XKR9: variants seen among roughly 807,000 people sequenced by gnomAD.
XKR9 encodes XK related 9.
Under a neutral mutation model 32.0 loss-of-function variants are expected in XKR9, and 32 were observed. That is an observed-to-expected ratio of 1.00 (90% CI 0.76 to 1.34). The LOEUF (loss-of-function observed/expected upper bound fraction) is 1.34, where lower values mean the gene tolerates loss of function less well. Ranked by LOEUF, XKR9 falls within the 40% of genes most tolerant of loss-of-function variation. XKR9 has a pLI of 0.00. For missense variants in XKR9, 546 were observed against 429.7 expected (o/e 1.27, Z -2.39); for synonymous variants, 168 against 143.4 (o/e 1.17, Z -1.22).
At chr8:70,931,858 G>A in the XKR9 span, among the ~76,000 whole-genome samples, 1 of 152,290 alleles carries the variant, frequency 6.6e-6, no homozygotes, top group East Asian at 1.9e-4. Context: ...ATAGTGCTAT[G>A]CCATTAATGA....
chr8:70,741,623 G>T (rs912982975), intron 2 of XKR9, among the ~76,000 whole-genome samples: 2 of 151,958 alleles, frequency 1.3e-5, no homozygotes, highest in Non-Finnish European at 2.9e-5. Flanking sequence ...GCCACATTTT[G>T]TTTATCCATT....
chr8:70,900,555 C>T, the XKR9 span, among the ~76,000 whole-genome samples: 1 of 152,010 alleles, frequency 6.6e-6, no homozygotes, highest in Non-Finnish European at 1.5e-5. Context: ...TGCCACTGTA[C>T]TCCAGCCTGG....
intron 4 of XKR9, among the ~76,000 whole-genome samples, chr8:70,733,258 G>A (rs1211219706): frequency 6.6e-6 from 1 of 152,160 alleles, no homozygotes; most frequent in Non-Finnish European, 1.5e-5. Context: ...GATATGGGAA[G>A]TTGGGCTTGT....
At chr8:70,977,005 T>C in the XKR9 span, among the ~76,000 whole-genome samples, 12 of 152,342 alleles carry the variant, frequency 7.9e-5, no homozygotes, top group Admixed American at 2.0e-4. Flanking sequence ...TTTATTTTCA[T>C]AGAGGTGTTT....
intron 4 of XKR9, among the ~76,000 whole-genome samples, chr8:70,715,285 A>G (rs929142645): frequency 1.3e-5 from 2 of 152,206 alleles, no homozygotes; most frequent in African/African-American, 4.8e-5. Context: ...CAAAATGCCC[A>G]CAGCCACTTG....
the XKR9 span, among the ~76,000 whole-genome samples, chr8:70,874,244 A>G: frequency 2.6e-5 from 4 of 152,176 alleles, no homozygotes; most frequent in Non-Finnish European, 4.4e-5. Flanking sequence ...ATATCTCTAA[A>G]GTATGCCTAT....
At chr8:70,904,854 G>C in the XKR9 span, among the ~76,000 whole-genome samples, 2 of 152,110 alleles carry the variant, frequency 1.3e-5, no homozygotes, top group African/African-American at 2.4e-5. Context: ...TGTCTGTAAA[G>C]GATTTTATTT....
intron 2 of XKR9, among the ~76,000 whole-genome samples, chr8:70,789,175 G>A (rs980228040): frequency 6.6e-6 from 1 of 151,740 alleles, no homozygotes; most frequent in Non-Finnish European, 1.5e-5. Flanking sequence ...TAGGTCTGAA[G>A]GGAAATATCT....
the XKR9 span, among the ~76,000 whole-genome samples, chr8:70,835,150 TAG>T: frequency 1.3e-5 from 2 of 152,132 alleles, no homozygotes; most frequent in East Asian, 1.9e-4. Flanking sequence ...TTAGTTCTGA[TAG>T]AGTGTCAGCT....
chr8:70,950,622 G>A, the XKR9 span, among the ~76,000 whole-genome samples: 1 of 152,116 alleles, frequency 6.6e-6, no homozygotes, highest in African/African-American at 2.4e-5. Flanking sequence ...CCATCCAATG[G>A]TTGTGGAGAA....
chr8:70,738,630 C>G (rs1257246030), downstream of XKR9, among the ~76,000 whole-genome samples: 1 of 152,060 alleles, frequency 6.6e-6, no homozygotes, highest in Non-Finnish European at 1.5e-5. Context: ...TCCCTCTATA[C>G]ACTGCCTTGA....
the XKR9 span, among the ~76,000 whole-genome samples, chr8:70,833,096 CT>C: frequency 7.9e-5 from 12 of 152,240 alleles, no homozygotes; most frequent in Admixed American, 1.3e-4. Flanking sequence ...TGTCAAACAC[CT>C]GTGTATGTTT....
chr8:70,927,734 T>C, the XKR9 span, among the ~76,000 whole-genome samples: 10 of 152,282 alleles, frequency 6.6e-5, no homozygotes, highest in Non-Finnish European at 1.2e-4. Context: ...CACTGAAAAT[T>C]AAGTTTCAAC....
At chr8:70,728,784 G>A (rs747416285) in intron 4 of XKR9, among the ~76,000 whole-genome samples, 32 of 152,136 alleles carry the variant, frequency 2.1e-4, no homozygotes, top group Non-Finnish European at 4.1e-4. Context: ...CCTAATTATT[G>A]CATACGGTGC....
At chr8:71,015,287 G>A in the XKR9 span, among the ~76,000 whole-genome samples, 1 of 152,124 alleles carries the variant, frequency 6.6e-6, no homozygotes, top group Non-Finnish European at 1.5e-5. Context: ...TACCTAACAT[G>A]CCTGGTGGAG....
chr8:70,870,376 AG>A, the XKR9 span, among the ~76,000 whole-genome samples: 20 of 152,338 alleles, frequency 1.3e-4, no homozygotes, highest in Non-Finnish European at 2.9e-4. Context: ...TACATTCCAG[AG>A]TCTGGTCACA....
the XKR9 span, among the ~76,000 whole-genome samples, chr8:70,803,917 T>G: frequency 2.6e-5 from 4 of 152,234 alleles, no homozygotes; most frequent in Non-Finnish European, 5.9e-5. Flanking sequence ...CCAGAAGCTC[T>G]AAAAGGTGTT....
the XKR9 span, among the ~76,000 whole-genome samples, chr8:70,949,061 A>G: frequency 0.01 from 1,543 of 152,342 alleles, 10 homozygotes; most frequent in Non-Finnish European, 0.016. Context: ...AGTTGCCAGA[A>G]TGCTCTAAAA....
At chr8:70,769,140 T>C (rs1807418765) in intron 2 of XKR9, among the ~76,000 whole-genome samples, 1 of 152,172 alleles carries the variant, frequency 6.6e-6, no homozygotes, top group Non-Finnish European at 1.5e-5. Context: ...ACAAAATCCC[T>C]TAGCATTTGC....
Sources: allele counts gnomAD v4.1 joint callset (sites outside exome capture counted in the v4.1 genomes callset), GRCh38; gene constraint gnomAD v4.1.1; transcripts MANE v1.5; gene names NCBI Gene and HGNC (gene_info 2026-07-23, HGNC 2026-07-21).